Variants in ST18 observed in about 807,000 individuals in gnomAD.
ST18 encodes the protein ST18 C2H2C-type zinc finger transcription factor.
In ST18, 50 loss-of-function variants were observed where a neutral mutation model predicts 110.0. The ratio of observed to expected loss-of-function variants is 0.45; its 90% CI spans 0.36 to 0.58. The LOEUF (loss-of-function observed/expected upper bound fraction) is 0.58, where lower values mean the gene tolerates loss of function less well. ST18 is among the 20% of genes least tolerant of loss of function. The probability of loss-of-function intolerance (pLI) is 0.00; values close to 1 mark genes in which losing one functional copy is unlikely to be tolerated. For synonymous variants in ST18, 461 were observed against 452.4 expected, an observed-to-expected ratio of 1.02 and a Z score of -0.24; for missense variants, 1,306 against 1,280.1, an observed-to-expected ratio of 1.02 and a Z score of -0.31.
intron 2 of ST18, among the ~76,000 whole-genome samples, chr8:52,301,299 C>T (rs1390505545): frequency 6.6e-6 from 1 of 152,124 alleles, no homozygotes; most frequent in African/African-American, 2.4e-5. Context: ...AAAAAGATAG[C>T]ATAAGTGATA....
intron 2 of ST18, among the ~76,000 whole-genome samples, chr8:52,290,659 C>G (rs952943280): frequency 2.6e-5 from 4 of 152,052 alleles, no homozygotes; most frequent in African/African-American, 9.7e-5. Flanking sequence ...TGTGGACGAC[C>G]CTTCTGAGCC....
chr8:52,383,892 C>T (rs561889385), intron 2 of ST18, among the ~76,000 whole-genome samples: 3 of 152,164 alleles, frequency 2.0e-5, no homozygotes, highest in Non-Finnish European at 4.4e-5. Context: ...GGACTATGAG[C>T]CTGCACCACC....
intron 2 of ST18, among the ~76,000 whole-genome samples, chr8:52,395,640 A>G (rs990525257): frequency 3.3e-5 from 5 of 152,202 alleles, no homozygotes; most frequent in Non-Finnish European, 5.9e-5. Context: ...TGAGGAAGGC[A>G]GAAAACTGAT....
intron 9 of ST18, among the ~76,000 whole-genome samples, chr8:52,177,300 A>C (rs1159978635): frequency 6.6e-6 from 1 of 152,246 alleles, no homozygotes; most frequent in Non-Finnish European, 1.5e-5. Context: ...CAGGTTGAGG[A>C]TATGGATGAA....
chr8:52,268,506 TC>T (rs1315508431), intron 2 of ST18, among the ~76,000 whole-genome samples: 3 of 146,508 alleles, frequency 2.0e-5, no homozygotes, highest in East Asian at 1.9e-4. Flanking sequence ...TATCTATCTA[TC>T]TATTTATCTA....
At chr8:52,276,035 C>T (rs1377581017) in intron 2 of ST18, among the ~76,000 whole-genome samples, 1 of 148,546 alleles carries the variant, frequency 6.7e-6, no homozygotes, top group East Asian at 2.0e-4. Flanking sequence ...ACACACACAC[C>T]ACATGCACAC....
intron 9 of ST18, among the ~76,000 whole-genome samples, chr8:52,179,382 G>A (rs1027531114): frequency 3.9e-5 from 6 of 152,142 alleles, no homozygotes; most frequent in South Asian, 2.1e-4. Flanking sequence ...GTGAAGAAGC[G>A]AATCAATTAA....
chr8:52,370,708 C>A (rs985883008), intron 2 of ST18, among the ~76,000 whole-genome samples: 1 of 152,164 alleles, frequency 6.6e-6, no homozygotes. Flanking sequence ...CCTTGCACTT[C>A]TGACTCTGTA....
rs75911667 is a variant in ST18 at position 52,274,513 on chromosome 8, T to G, written c.-464-44436A>C. 9.7e-3 allele frequency among the ~76,000 whole-genome samples: 1,374 copies of G among 141,326 alleles called. 7 individuals are homozygous for G. Among genetic ancestry groups the G allele is most frequent in the Middle Eastern group, 0.021 (6 of 280 alleles). The allele number at this position is 141,326 out of a possible 152,430, so 92.7% of individuals were successfully genotyped here. ...ATAGGAAAAAGAGTTGTATGATGTT[T>G]CAGTGGCAAGTTTCTTTTTTTCGTT... On this transcript the variant is annotated intron_variant, in intron 2 of 25. Coordinates refer to ENST00000689386, the MANE Select transcript of ST18 (RefSeq NM_001352837.2).
At chr8:52,329,231 G>GTGTGTGTGTGTTTC (rs1807981132) in intron 2 of ST18, among the ~76,000 whole-genome samples, 8 of 150,392 alleles carry the variant, frequency 5.3e-5, no homozygotes, top group Admixed American at 4.7e-4. Flanking sequence ...GTGTGTGTGT[G>GTGTGTGTGTGTTTC]TGTGTGTGTG....
At chr8:52,350,272 C>T (rs1478619410) in intron 2 of ST18, among the ~76,000 whole-genome samples, 1 of 152,142 alleles carries the variant, frequency 6.6e-6, no homozygotes. Context: ...TATTCTATGA[C>T]GGACAGAGGG....
intron 8 of ST18, among the ~76,000 whole-genome samples, chr8:52,184,132 A>G: frequency 6.6e-6 from 1 of 152,158 alleles, no homozygotes; most frequent in African/African-American, 2.4e-5. Flanking sequence ...ATATCTTCTC[A>G]AGGTTGCCAG....
At chr8:52,299,893 T>C (rs1382582170) in intron 2 of ST18, among the ~76,000 whole-genome samples, 1 of 152,246 alleles carries the variant, frequency 6.6e-6, no homozygotes, top group African/African-American at 2.4e-5. Flanking sequence ...TCCTGAGGTG[T>C]AGCCCCTGGG....
At chr8:52,269,729 C>T (rs2095006873) in intron 2 of ST18, among the ~76,000 whole-genome samples, 1 of 152,136 alleles carries the variant, frequency 6.6e-6, no homozygotes, top group Admixed American at 6.5e-5. Flanking sequence ...GGAGATGGTC[C>T]TTAGAAATCA....
intron 2 of ST18, among the ~76,000 whole-genome samples, chr8:52,355,419 A>T (rs1822261134): frequency 6.6e-6 from 1 of 152,230 alleles, no homozygotes; most frequent in Non-Finnish European, 1.5e-5. Flanking sequence ...GTTTGCAAGA[A>T]TGTAGACAGA....
chr8:52,359,829 C>T (rs1175438877), intron 2 of ST18, among the ~76,000 whole-genome samples: 1 of 152,054 alleles, frequency 6.6e-6, no homozygotes, highest in Non-Finnish European at 1.5e-5. Flanking sequence ...ATTTTGATTG[C>T]TATAATTAAA....
intron 2 of ST18, among the ~76,000 whole-genome samples, chr8:52,343,547 A>G (rs994387437): frequency 6.6e-6 from 1 of 152,216 alleles, no homozygotes; most frequent in Non-Finnish European, 1.5e-5. Context: ...CCCCGTGGCC[A>G]AAAACCAAAT....
At position 52,201,664 on chromosome 8, in the gene ST18, C is replaced by T. The variant is rs16917447; in HGVS notation, c.86+10415G>A. Among the ~76,000 whole-genome samples, 2,305 of 152,262 alleles carry T rather than the reference C, an allele frequency of 0.015. 131 individuals carry two copies. In the East Asian group the frequency reaches 0.17, roughly 11 times the overall value. On this transcript the variant is annotated intron_variant, in intron 8 of 25. Transcript: ENST00000689386. Reference sequence around the variant, plus strand: ...AGATGTGGCTCTTCGTCCCAATCTACACCATCCGTGCCTGGCTGCCCAGCC... The same window carrying T: ...AGATGTGGCTCTTCGTCCCAATCTATACCATCCGTGCCTGGCTGCCCAGCC...
chr8:52,209,695 A>G lies in ST18; in HGVS notation c.86+2384T>C, dbSNP rs1488892734. Among the ~76,000 whole-genome samples, 5 of 148,234 alleles carry G rather than the reference A, an allele frequency of 3.4e-5. No individual in the cohort carries two copies. In the East Asian group the frequency reaches 8.2e-4, roughly 24 times the overall value. ...TGAGGCAAGAGAATCACTTGAACCC[A>G]GGAGGCGGAGGTTGCAGTGAACCGA... is the stretch of plus-strand genomic sequence containing the variant. On this transcript the variant is annotated intron_variant, in intron 8 of 25. Coordinates refer to ENST00000689386, the MANE Select transcript of ST18 (RefSeq NM_001352837.2).
Sources: allele counts gnomAD v4.1 joint callset (sites outside exome capture counted in the v4.1 genomes callset), GRCh38; gene constraint gnomAD v4.1.1; transcripts MANE v1.5; gene names NCBI Gene and HGNC (gene_info 2026-07-23, HGNC 2026-07-21).